The following CIDEA variants were observed in gnomAD, a reference collection of about 807,000 sequenced individuals.
CIDEA encodes cell death inducing DFFA like effector a, also known as lipid transferase CIDEA.
A neutral mutation model predicts 18.2 loss-of-function variants in CIDEA; 10 were observed. The ratio of observed to expected loss-of-function variants is 0.55; its 90% CI spans 0.34 to 0.93. The LOEUF (loss-of-function observed/expected upper bound fraction) is 0.93. CIDEA is among the 40% of genes least tolerant of loss of function. The pLI, the probability that CIDEA is intolerant of heterozygous loss-of-function variation, is 0.02. For missense variants in CIDEA, 309 were observed against 293.1 expected (o/e 1.05, Z -0.40); for synonymous variants, 128 against 124.8 (o/e 1.03, Z -0.17).
intron 1 of CIDEA, 71 bp from the exon 2 acceptor site, chr18:12,262,753 AT>A: frequency 7.1e-7 from 1 of 1,412,570 alleles, no homozygotes; most frequent in Admixed American, 1.9e-5. Flanking sequence ...AAAATGCATT[AT>A]TTTTATGTAC....
At position 12,264,432 on chromosome 18, in the gene CIDEA, A is replaced by G. The variant is rs1912285831; in HGVS notation, c.309A>G (p.Glu103=). Residue 103 remains glutamate (E), a synonymous_variant, in exon 3 of 5, where the codon GAA becomes GAG. Coordinates refer to ENST00000320477, the MANE Select transcript of CIDEA (RefSeq NM_001279.4). ...LGDNTHFMIL[E]KGQKWMPGSQ... ...ACAACACGCATTTCATGATCTTGGA[A>G]AAAGGACAGAAGTGGATGCCGGTAA... is the stretch of plus-strand genomic sequence containing the variant. 1 of 1,613,902 alleles carries G rather than the reference A, an allele frequency of 6.2e-7. No homozygotes were observed. The highest frequency in any genetic ancestry group is 1.7e-5 in the Admixed American group (1 of 59,988).
chr18:12,264,269 T>C (rs931969666), intron 2 of CIDEA, 38 bp from the exon 3 acceptor site: 33 of 1,521,590 alleles, frequency 2.2e-5, no homozygotes, highest in Non-Finnish European at 2.6e-5. Flanking sequence ...TGGAAATACC[T>C]GGCTTCACTC....
At chr18:12,264,989 T>C (rs1216016402) in intron 3 of CIDEA, among the ~76,000 whole-genome samples, 2 of 152,232 alleles carry the variant, frequency 1.3e-5, no homozygotes, top group African/African-American at 4.8e-5. Flanking sequence ...AAGCAAATAA[T>C]TCCAGGGAAC....
At chr18:12,266,584 T>G (rs1046808099) in intron 3 of CIDEA, among the ~76,000 whole-genome samples, 1 of 152,218 alleles carries the variant, frequency 6.6e-6, no homozygotes, top group African/African-American at 2.4e-5. Flanking sequence ...AGACTCAGGT[T>G]AGACAGAGCT....
intron 1 of CIDEA, among the ~76,000 whole-genome samples, chr18:12,256,346 C>T (rs910505858): frequency 7.9e-5 from 12 of 152,164 alleles, no homozygotes; most frequent in Non-Finnish European, 1.5e-4. Context: ...CTACATTTTA[C>T]CAAGGAAAGA....
intron 1 of CIDEA, among the ~76,000 whole-genome samples, chr18:12,261,958 A>T (rs900304771): frequency 1.3e-5 from 2 of 151,248 alleles, no homozygotes; most frequent in African/African-American, 2.4e-5. Flanking sequence ...GCTTGAACCC[A>T]GGAGTTCAAG....
intron 3 of CIDEA, among the ~76,000 whole-genome samples, chr18:12,271,839 C>G (rs890807007): frequency 6.6e-6 from 1 of 151,904 alleles, no homozygotes; most frequent in East Asian, 2.0e-4. Flanking sequence ...GTGTCTCGCT[C>G]CCCGGTCCCA....
At chr18:12,256,614 G>C (rs1057175747) in intron 1 of CIDEA, among the ~76,000 whole-genome samples, 1 of 152,164 alleles carries the variant, frequency 6.6e-6, no homozygotes, top group Non-Finnish European at 1.5e-5. Context: ...TATGAAGCTG[G>C]TACATGTTAT....
chr18:12,264,485 C>G, intron 3 of CIDEA, 32 bp downstream of exon 3: 1 of 1,579,516 alleles, frequency 6.3e-7, no homozygotes. Flanking sequence ...CAAACAGCTA[C>G]TGGGTAGACT....
intron 4 of CIDEA, 135 bp downstream of exon 4, chr18:12,274,409 G>A (rs1912648882): frequency 2.8e-6 from 2 of 707,812 alleles, no homozygotes; most frequent in East Asian, 2.7e-5. Flanking sequence ...AATGTTGTCT[G>A]GAGGTCAACT....
At chr18:12,271,624 G>C (rs542932869) in intron 3 of CIDEA, among the ~76,000 whole-genome samples, 3 of 152,190 alleles carry the variant, frequency 2.0e-5, no homozygotes, top group Non-Finnish European at 4.4e-5. Flanking sequence ...GGTGGTGGGC[G>C]CTGGGAACCT....
intron 3 of CIDEA, among the ~76,000 whole-genome samples, chr18:12,267,563 G>A (rs551038299): frequency 3.9e-4 from 59 of 152,272 alleles, no homozygotes; most frequent in Non-Finnish European, 7.3e-4. Flanking sequence ...GCATGATCTC[G>A]GCTCACTGCA....
chr18:12,262,786 C>A lies in CIDEA; in HGVS notation c.39-39C>A, dbSNP rs761476616. 12 of 1,584,706 alleles carry A rather than the reference C, an allele frequency of 7.6e-6. 1 individual carries two copies. In the African/African-American group the frequency reaches 1.1e-4, roughly 14 times the overall value. On this transcript the variant is annotated intron_variant, in intron 1 of 4. Transcript: ENST00000320477. ...GTACTTTCACACTTCTTCTGACAGA[C>A]TCTTTTTAAAAAGTTTTACTTTTCA... is the stretch of plus-strand genomic sequence containing the variant.
chr18:12,273,949 G>A (rs1042401227), intron 3 of CIDEA, 144 bp from the exon 4 acceptor site: 2 of 800,002 alleles, frequency 2.5e-6, no homozygotes, highest in African/African-American at 3.5e-5. Context: ...CCTGCTGAAA[G>A]CATCTCTCTA....
At chr18:12,270,998 A>C (rs1325119982) in intron 3 of CIDEA, among the ~76,000 whole-genome samples, 1 of 140,718 alleles carries the variant, frequency 7.1e-6, no homozygotes, top group Non-Finnish European at 1.5e-5. Context: ...TCCAGGGTTC[A>C]AGTAATTCTC....
intron 1 of CIDEA, among the ~76,000 whole-genome samples, chr18:12,256,229 G>C (rs1235497819): frequency 6.6e-6 from 1 of 152,222 alleles, no homozygotes; most frequent in Non-Finnish European, 1.5e-5. Flanking sequence ...CCAGAGGCCA[G>C]GTCCTAACAT....
intron 1 of CIDEA, chr18:12,255,025 CA>C: frequency 9.8e-7 from 1 of 1,022,150 alleles, no homozygotes; most frequent in Non-Finnish European, 1.3e-6. Flanking sequence ...GCCTGGGGAG[CA>C]GGGGGGACAA....
chr18:12,256,816 T>C (rs926530990), intron 1 of CIDEA, among the ~76,000 whole-genome samples: 1 of 152,212 alleles, frequency 6.6e-6, no homozygotes, highest in Admixed American at 6.5e-5. Flanking sequence ...ATTCTTATTT[T>C]AACGAAACTG....
chr18:12,272,618 G>A (rs939553533), intron 3 of CIDEA, among the ~76,000 whole-genome samples: 1 of 152,206 alleles, frequency 6.6e-6, no homozygotes, highest in Admixed American at 6.5e-5. Flanking sequence ...AAAGTGCTGG[G>A]ATTACAGGTG....
Sources: gnomAD v4.1 joint callset for allele counts (sites outside exome capture counted in the v4.1 genomes callset) on GRCh38, gnomAD v4.1.1 for gene constraint, MANE v1.5 for transcripts, NCBI Gene and HGNC (gene_info 2026-07-23, HGNC 2026-07-21) for gene names.